CDK6: variants seen among roughly 807,000 people sequenced by gnomAD.
CDK6 encodes cyclin dependent kinase 6, also known as cyclin-dependent kinase 6.
A neutral mutation model predicts 37.1 loss-of-function variants in CDK6; 6 were observed. The ratio of observed to expected loss-of-function variants is 0.16; its 90% CI spans 0.09 to 0.32. CDK6 has a LOEUF of 0.32. Among genes scored for constraint, CDK6 ranks in the 10% least tolerant of loss-of-function variants. CDK6 has a pLI of 1.00. For synonymous variants in CDK6, 160 were observed against 161.3 expected (o/e 0.99, Z 0.06); for missense variants, 224 against 418.9 (o/e 0.53, Z 4.06).
At chr7:92,764,636 C>G (rs1484053500) in intron 3 of CDK6, among the ~76,000 whole-genome samples, 3 of 152,220 alleles carry the variant, frequency 2.0e-5, no homozygotes, top group Non-Finnish European at 4.4e-5. Context: ...AGAGGAAGAA[C>G]AGAATGACAG....
intron 2 of CDK6, among the ~76,000 whole-genome samples, chr7:92,822,852 T>C (rs529409937): frequency 1.8e-4 from 28 of 152,224 alleles, no homozygotes; most frequent in African/African-American, 4.3e-4. Flanking sequence ...TTTCATCTAC[T>C]TTCAGATCAC....
rs1260020126 is a variant in CDK6 at position 92,614,719 on chromosome 7, ACACACACACATG to A, written c.*409_*420del. The A allele has an allele frequency of 7.1e-5, 19 of 266,648 alleles. No homozygotes were observed. The Admixed American group carries it at 9.0e-4, about 13-fold the overall frequency. 16.5% of individuals were successfully genotyped at this position (266,648 alleles called of 1,614,324 possible). On this transcript the variant is annotated 3_prime_UTR_variant, in exon 8 of 8. Transcript: ENST00000424848. Reference sequence around the variant, plus strand: ...CATACACACACACACACACACACACACACACACACATGCACACACACACTCAAAAGTACCAAA... The same window carrying A: ...CATACACACACACACACACACACACACACACACACACTCAAAAGTACCAAA...
intron 4 of CDK6, among the ~76,000 whole-genome samples, chr7:92,718,836 G>C (rs1301445580): frequency 6.6e-6 from 1 of 152,076 alleles, no homozygotes; most frequent in Non-Finnish European, 1.5e-5. Context: ...ACATTTCTTT[G>C]TGTGACTATC....
chr7:92,750,540 AAG>A (rs1209728992), intron 3 of CDK6, among the ~76,000 whole-genome samples: 2 of 152,322 alleles, frequency 1.3e-5, no homozygotes, highest in Admixed American at 1.3e-4. Flanking sequence ...AATTACAAGA[AAG>A]AGTAAAACGG....
intron 2 of CDK6, among the ~76,000 whole-genome samples, chr7:92,825,273 C>T (rs1801280231): frequency 6.6e-6 from 1 of 152,108 alleles, no homozygotes. Context: ...CATGATTACT[C>T]ATTTCTAACT....
At chr7:92,634,851 C>T (rs1796132779) in intron 5 of CDK6, among the ~76,000 whole-genome samples, 1 of 152,108 alleles carries the variant, frequency 6.6e-6, no homozygotes, top group Admixed American at 6.6e-5. Context: ...TATCTTTGGA[C>T]ATGATCCTGA....
intron 3 of CDK6, among the ~76,000 whole-genome samples, chr7:92,763,520 A>G: frequency 6.6e-6 from 1 of 152,216 alleles, no homozygotes; most frequent in East Asian, 1.9e-4. Context: ...TTTTAGTTGG[A>G]ATTCTCCTAT....
At chr7:92,708,070 C>T (rs1301602930) in intron 4 of CDK6, among the ~76,000 whole-genome samples, 2 of 152,004 alleles carry the variant, frequency 1.3e-5, no homozygotes, top group Non-Finnish European at 2.9e-5. Context: ...AGGTAATTAG[C>T]CCCAAGGAGA....
intron 2 of CDK6, among the ~76,000 whole-genome samples, chr7:92,801,389 C>A (rs1018424801): frequency 2.6e-5 from 4 of 152,186 alleles, no homozygotes; most frequent in South Asian, 4.1e-4. Flanking sequence ...AATAACTGTA[C>A]ATACATGCGT....
intron 5 of CDK6, among the ~76,000 whole-genome samples, chr7:92,628,164 A>C (rs924589680): frequency 2.0e-5 from 3 of 152,146 alleles, no homozygotes; most frequent in African/African-American, 7.2e-5. Flanking sequence ...ATGCAAAAAA[A>C]GGCACTGGTA....
intron 2 of CDK6, among the ~76,000 whole-genome samples, chr7:92,782,206 G>A (rs1800009523): frequency 2.0e-5 from 3 of 152,184 alleles, no homozygotes; most frequent in Admixed American, 2.0e-4. Flanking sequence ...AAGTAAAAAT[G>A]CAGGTAATGA....
intron 2 of CDK6, among the ~76,000 whole-genome samples, chr7:92,822,808 C>A (rs1801205905): frequency 6.6e-6 from 1 of 152,066 alleles, no homozygotes; most frequent in Non-Finnish European, 1.5e-5. Context: ...GTTCCATAAG[C>A]ACTGGTTTGA....
At chr7:92,788,760 G>A (rs1293783627) in intron 2 of CDK6, among the ~76,000 whole-genome samples, 2 of 152,168 alleles carry the variant, frequency 1.3e-5, no homozygotes, top group Non-Finnish European at 2.9e-5. Context: ...TCTGCAATAA[G>A]ATGAACAACT....
rs1795549521 is a variant in CDK6, at chr7:92,610,955, T to C, written c.*4185A>G. The C allele has an allele frequency of 4.4e-6, 1 of 227,892 alleles. No homozygotes were observed. The highest frequency in any genetic ancestry group is 8.7e-6 in the Non-Finnish European group (1 of 114,804). The allele number at this position is 227,892 out of a possible 1,614,324, so 14.1% of individuals were successfully genotyped here. A position where few individuals can be genotyped will look rare whatever the true frequency, so the allele number is the denominator to read the frequency against. ...CTCTTCCCTTGAAATGGGAAAAAAG[T>C]ACAGGTAATTTAGTTTGCTTGGGAC... On this transcript the variant is annotated 3_prime_UTR_variant, in exon 8 of 8. Transcript: ENST00000424848.
chr7:92,775,645 G>A (rs937597334), intron 2 of CDK6, among the ~76,000 whole-genome samples: 1 of 152,034 alleles, frequency 6.6e-6, no homozygotes, highest in Admixed American at 6.6e-5. Context: ...ATTTCCTTTC[G>A]TTTCAACCAC....
chr7:92,768,333 T>C (rs1043180825), intron 3 of CDK6, among the ~76,000 whole-genome samples: 2 of 152,194 alleles, frequency 1.3e-5, no homozygotes, highest in African/African-American at 2.4e-5. Flanking sequence ...TTAAGTCAAA[T>C]TGCTGTAGGT....
intron 2 of CDK6, among the ~76,000 whole-genome samples, chr7:92,791,108 G>A (rs778318619): frequency 1.3e-5 from 2 of 152,184 alleles, no homozygotes; most frequent in Non-Finnish European, 2.9e-5. Context: ...GGATGGAGAG[G>A]AGAGTACAGA....
intron 4 of CDK6, among the ~76,000 whole-genome samples, chr7:92,711,984 C>T (rs1016768014): frequency 4.6e-5 from 7 of 151,828 alleles, no homozygotes; most frequent in South Asian, 2.1e-4. Context: ...GTCAGGAGAT[C>T]GAGACCATCT....
chr7:92,649,017 C>A (rs527430513), intron 5 of CDK6, among the ~76,000 whole-genome samples: 1 of 151,804 alleles, frequency 6.6e-6, no homozygotes, highest in Non-Finnish European at 1.5e-5. Context: ...AAGAACACTT[C>A]CAGGAAATTT....
Sources: gnomAD v4.1 joint callset for allele counts (sites outside exome capture counted in the v4.1 genomes callset) on GRCh38, gnomAD v4.1.1 for gene constraint, MANE v1.5 for transcripts, NCBI Gene and HGNC (gene_info 2026-07-23, HGNC 2026-07-21) for gene names.